The following TEX14 variants were observed in gnomAD, a reference collection of about 807,000 sequenced individuals.
TEX14 encodes inactive serine/threonine-protein kinase TEX14.
TEX14 carries 168 observed loss-of-function variants against 178.6 expected under a neutral mutation model. The observed-to-expected ratio is 0.94, with a 90% confidence interval of 0.83 to 1.07. The LOEUF is 1.07. Among genes scored for constraint, TEX14 ranks in the 50% least tolerant of loss-of-function variants. TEX14 has a pLI of 0.00. For synonymous variants in TEX14, 626 were observed against 634.1 expected, an observed-to-expected ratio of 0.99 and a Z score of 0.19; for missense variants, 1,730 against 1,753.6, an observed-to-expected ratio of 0.99 and a Z score of 0.24.
At chr17:58,679,698 C>T (rs149828479) in intron 1 of TEX14, 1 of 152,296 alleles carries the variant, frequency 6.6e-6, no homozygotes, top group East Asian at 1.9e-4. Flanking sequence ...TATGAGTCCC[C>T]AGCGCTGCCT....
intron 11 of TEX14, among the ~76,000 whole-genome samples, chr17:58,603,887 C>CTGTGTGTGTGTGTGCGTGTG (rs2045537633): frequency 9.5e-6 from 1 of 105,286 alleles, no homozygotes; most frequent in African/African-American, 4.0e-5. Context: ...TGTGATTTTA[C>CTGTGTGTGTGTGTGCGTGTG]TGTGTGTGTG....
At chr17:58,676,820 A>G (rs1432581830) in intron 1 of TEX14, among the ~76,000 whole-genome samples, 2 of 151,830 alleles carry the variant, frequency 1.3e-5, no homozygotes, top group Admixed American at 6.6e-5. Flanking sequence ...ACCCTATGCT[A>G]CAAAAAGTTC....
intron 26 of TEX14, chr17:58,567,617 T>C (rs2044429536): frequency 6.6e-6 from 1 of 151,958 alleles, no homozygotes. Flanking sequence ...TCCCCAAAGG[T>C]CTCTTTAAGG....
intron 17 of TEX14, among the ~76,000 whole-genome samples, chr17:58,586,455 G>A (rs2044976852): frequency 6.6e-6 from 1 of 152,154 alleles, no homozygotes; most frequent in Non-Finnish European, 1.5e-5. Flanking sequence ...AGTCTTTCCA[G>A]ACTACACTGA....
In TEX14 at chr17:58,633,796, G is replaced by A. The variant is rs556762021; in HGVS notation, c.137-3242C>T. 4.6e-5 allele frequency among the ~76,000 whole-genome samples: 7 copies of A among 152,002 alleles called. No individual in the cohort carries two copies. The South Asian group carries it at 8.3e-4, about 18-fold the overall frequency. On this transcript the variant is annotated intron_variant, in intron 2 of 31. Transcript: ENST00000349033. ...TGCCTGGCCAACATGGTGAAACCTCGTCTCTACTAAAAAGTACAAAAATTA... is the reference window on the plus strand; with the variant it reads ...TGCCTGGCCAACATGGTGAAACCTCATCTCTACTAAAAAGTACAAAAATTA...
At chr17:58,621,855 AAG>A in intron 4 of TEX14, 69 bp from the exon 5 acceptor site, 7 of 1,523,610 alleles carry the variant, frequency 4.6e-6, no homozygotes, top group Non-Finnish European at 6.2e-6. Context: ...CTTGGGTATG[AAG>A]ATAAGTGGTC....
intron 2 of TEX14, among the ~76,000 whole-genome samples, chr17:58,641,488 T>TTTATTATTATTATTA (rs373086043): frequency 0.014 from 1,999 of 143,608 alleles, 35 homozygotes; most frequent in African/African-American, 0.039. Flanking sequence ...TTCTCTTTTA[T>TTTATTATTATTATTA]TTATTATTAT....
rs1182803734 is a variant in TEX14, at chr17:58,586,247, A to G, written c.2789-165T>C. Among the ~76,000 whole-genome samples, 3 of 152,156 alleles carry G rather than the reference A, an allele frequency of 2.0e-5. No individual in the cohort carries two copies. The East Asian group carries it at 5.8e-4, about 29-fold the overall frequency. ...CCCTGTTTGGCTTGAATGGGAGGTC[A>G]GGGGAGAATTGATGACAGAGAGAGA... is the stretch of plus-strand genomic sequence containing the variant. On this transcript the variant is annotated intron_variant, in intron 17 of 31. Transcript: ENST00000349033.
In TEX14 at chr17:58,622,979, T is replaced by C. The variant is rs2046035740; in HGVS notation, c.285A>G (p.Ala95=). Residue 95 remains alanine, a synonymous_variant, in exon 4 of 32, where the codon GCA becomes GCG. Coordinates refer to ENST00000349033, the MANE Select transcript of TEX14 (RefSeq NM_031272.5). ...RCFDGSTPVH[A]AAFSGNQWIL... ...TCCACTGATTGCCCGAAAATGCTGC[T>C]GCATGGACAGGGGTGCTCCCATCAA... The C allele has an allele frequency of 1.2e-6, 2 of 1,610,144 alleles. No individual in the cohort carries two copies. Among genetic ancestry groups the C allele is most frequent in the Non-Finnish European group, 1.7e-6 (2 of 1,176,620 alleles).
intron 1 of TEX14, among the ~76,000 whole-genome samples, chr17:58,655,353 T>A (rs2046932608): frequency 6.6e-6 from 1 of 151,914 alleles, no homozygotes; most frequent in African/African-American, 2.4e-5. Context: ...CCAGCTAATT[T>A]TTGCATTTTT....
intron 3 of TEX14, among the ~76,000 whole-genome samples, chr17:58,626,652 C>T (rs929159863): frequency 4.7e-5 from 7 of 149,950 alleles, no homozygotes; most frequent in African/African-American, 1.7e-4. Context: ...GAGGCTGAGG[C>T]AGATGGATCA....
intron 21 of TEX14, 39 bp downstream of exon 21, chr17:58,577,336 T>C: frequency 2.4e-6 from 2 of 833,270 alleles, no homozygotes; most frequent in Non-Finnish European, 3.7e-6. Flanking sequence ...ACATTGCATC[T>C]ATGAGTTTGA....
At chr17:58,656,747 G>A (rs2046973000) in intron 1 of TEX14, among the ~76,000 whole-genome samples, 1 of 109,962 alleles carries the variant, frequency 9.1e-6, no homozygotes, top group Admixed American at 9.2e-5. Flanking sequence ...CAGGGACTCT[G>A]TCTCAAAAAA....
chr17:58,590,939 T>A (rs2045121552), intron 15 of TEX14, among the ~76,000 whole-genome samples: 1 of 152,110 alleles, frequency 6.6e-6, no homozygotes, highest in South Asian at 2.1e-4. Context: ...GTGAAAATCA[T>A]GACATAAAAT....
At chr17:58,629,892 T>C (rs1192424339) in intron 3 of TEX14, among the ~76,000 whole-genome samples, 1 of 144,018 alleles carries the variant, frequency 6.9e-6, no homozygotes, top group Admixed American at 7.5e-5. Context: ...TCCGATTCTT[T>C]TCGTGTTTCG....
At chr17:58,593,709 A>G (rs1598367243) in intron 14 of TEX14, 48 bp from the exon 15 acceptor site, 2 of 1,383,926 alleles carry the variant, frequency 1.4e-6, no homozygotes, top group African/African-American at 2.8e-5. Flanking sequence ...GAGAATTCCC[A>G]CTCTCTTCAC....
intron 19 of TEX14, among the ~76,000 whole-genome samples, 164 bp from the exon 20 acceptor site, chr17:58,579,895 T>G (rs2044770788): frequency 2.0e-5 from 3 of 152,210 alleles, no homozygotes; most frequent in Admixed American, 6.5e-5. Context: ...AAGTACTTAT[T>G]TGTATCATAT....
chr17:58,673,672 C>G (rs1282073785), intron 1 of TEX14, among the ~76,000 whole-genome samples: 1 of 152,024 alleles, frequency 6.6e-6, no homozygotes, highest in Non-Finnish European at 1.5e-5. Flanking sequence ...GGTGATCCTC[C>G]CACCTCACCC....
At chr17:58,578,882 G>T (rs139197045) in intron 20 of TEX14, among the ~76,000 whole-genome samples, 266 of 152,382 alleles carry the variant, frequency 1.7e-3, no homozygotes, top group African/African-American at 6.2e-3. Context: ...GAAGAAGGGA[G>T]TAAGTTCATA....
Sources: gnomAD v4.1 joint callset for allele counts (sites outside exome capture counted in the v4.1 genomes callset) on GRCh38, gnomAD v4.1.1 for gene constraint, MANE v1.5 for transcripts, NCBI Gene and HGNC (gene_info 2026-07-23, HGNC 2026-07-21) for gene names.